CCDC170: variants seen among roughly 807,000 people sequenced by gnomAD.
CCDC170 encodes coiled-coil domain-containing protein 170.
In CCDC170, 69 loss-of-function variants were observed where a neutral mutation model predicts 72.6. That is an observed-to-expected ratio of 0.95 (90% CI 0.78 to 1.16). The LOEUF (loss-of-function observed/expected upper bound fraction) is 1.16. CCDC170 is among the 50% of genes most tolerant of loss of function. The pLI, the probability that CCDC170 is intolerant of heterozygous loss-of-function variation, is 0.00. For missense variants in CCDC170, 852 were observed against 832.5 expected (o/e 1.02, Z -0.29); for synonymous variants, 300 against 303.9 (o/e 0.99, Z 0.13).
At chr6:151,607,630 A>T (rs534132520) in intron 9 of CCDC170, among the ~76,000 whole-genome samples, 40 of 149,618 alleles carry the variant, frequency 2.7e-4, no homozygotes, top group South Asian at 2.1e-4. Flanking sequence ...GTTGATAGGC[A>T]TTTTTTTTTT....
At chr6:151,615,917 T>C (rs1776959642) in intron 10 of CCDC170, 1 of 433,980 alleles carries the variant, frequency 2.3e-6, no homozygotes, top group Admixed American at 3.9e-5. Context: ...TACAAAGCTT[T>C]CTATATCTTT....
chr6:151,527,558 A>T (rs531630037), intron 1 of CCDC170, among the ~76,000 whole-genome samples: 1 of 152,326 alleles, frequency 6.6e-6, no homozygotes, highest in South Asian at 2.1e-4. Flanking sequence ...CTTAATGTAT[A>T]CACTGTAAAT....
At chr6:151,576,606 TC>T (rs1421085413) in intron 6 of CCDC170, among the ~76,000 whole-genome samples, 2 of 152,106 alleles carry the variant, frequency 1.3e-5, no homozygotes, top group Admixed American at 6.5e-5. Context: ...TGATTCAGAG[TC>T]TTTTTAGTGC....
Position 151,615,547 on chromosome 6 carries a change from G to C in CCDC170, c.1815G>C (p.Lys605Asn). The C allele has an allele frequency of 6.2e-7, 1 of 1,614,080 alleles. No individual in the cohort carries two copies. The highest frequency in any genetic ancestry group is 8.5e-7 in the Non-Finnish European group (1 of 1,179,958). The change falls in exon 10 of 11, where the codon AAG (lysine) becomes AAC (asparagine). Residue 605 changes from lysine to asparagine, a missense_variant. Lys to Asn is a moderately conservative substitution (Grantham distance 94). Coordinates refer to ENST00000239374, the MANE Select transcript of CCDC170 (RefSeq NM_025059.4). ...CTGAGAAAAAGCTCATGTCTGTCAA[G>C]TCAGAACTGGATACCACAGAACATG... is the stretch of plus-strand genomic sequence containing the variant. Reference protein sequence around the residue: ...EKAEKKLMSVKSELDTTEHEA... With the variant: ...EKAEKKLMSVNSELDTTEHEA...
chr6:151,572,029 A>G (rs1776225987), intron 5 of CCDC170, among the ~76,000 whole-genome samples: 1 of 151,990 alleles, frequency 6.6e-6, no homozygotes, highest in Non-Finnish European at 1.5e-5. Flanking sequence ...AAATTATTTT[A>G]TTTTATATAA....
chr6:151,551,555 T>G (rs1782878683), intron 5 of CCDC170, among the ~76,000 whole-genome samples: 1 of 152,218 alleles, frequency 6.6e-6, no homozygotes, highest in Non-Finnish European at 1.5e-5. Flanking sequence ...TTGATCTCTC[T>G]GGAGTCACTT....
chr6:151,514,764 A>G (rs1462699359), intron 1 of CCDC170, among the ~76,000 whole-genome samples: 1 of 152,222 alleles, frequency 6.6e-6, no homozygotes, highest in Non-Finnish European at 1.5e-5. Context: ...ACTTTGTGGC[A>G]GCACAAAGGT....
At chr6:151,586,515 A>G (rs1386064114) in intron 7 of CCDC170, among the ~76,000 whole-genome samples, 1 of 152,208 alleles carries the variant, frequency 6.6e-6, no homozygotes, top group South Asian at 2.1e-4. Flanking sequence ...TTTTTGAAAG[A>G]TAAGTCAGAT....
rs138834299 is a variant in CCDC170 at position 151,499,744 on chromosome 6, A to G, written c.57+5559A>G. 4.4e-4 allele frequency among the ~76,000 whole-genome samples: 65 copies of G among 148,758 alleles called. 1 individual carries two copies. In the East Asian group the frequency reaches 0.011, roughly 25 times the overall value. ...TATTTCACTTAGCATAATGTCCTCA[A>G]CGTTTCTTCATGATGTAACATGTAT... On this transcript the variant is annotated intron_variant, in intron 1 of 10. Coordinates refer to ENST00000239374, the MANE Select transcript of CCDC170 (RefSeq NM_025059.4).
intron 2 of CCDC170, 21 bp downstream of exon 2, chr6:151,536,467 C>T: frequency 6.2e-7 from 1 of 1,612,660 alleles, no homozygotes; most frequent in East Asian, 2.2e-5. Context: ...GCATTTCCAG[C>T]ACTCAGAAAT....
At chr6:151,605,545 G>T (rs1406356135) in intron 9 of CCDC170, among the ~76,000 whole-genome samples, 2 of 152,168 alleles carry the variant, frequency 1.3e-5, no homozygotes, top group African/African-American at 2.4e-5. Context: ...CAAAGTAGCT[G>T]CTTTCTGTGG....
intron 3 of CCDC170, among the ~76,000 whole-genome samples, chr6:151,543,139 A>G (rs1782716822): frequency 6.6e-6 from 1 of 152,192 alleles, no homozygotes; most frequent in Non-Finnish European, 1.5e-5. Flanking sequence ...TTGCCTTTAA[A>G]GTATGCCTAT....
intron 1 of CCDC170, among the ~76,000 whole-genome samples, chr6:151,501,643 A>C (rs1257968294): frequency 6.6e-6 from 1 of 152,190 alleles, no homozygotes; most frequent in Non-Finnish European, 1.5e-5. Context: ...TAAAATCTTC[A>C]AAGAAAAGGT....
chr6:151,597,216 C>T (rs1266897802), intron 9 of CCDC170, among the ~76,000 whole-genome samples: 1 of 152,028 alleles, frequency 6.6e-6, no homozygotes, highest in Non-Finnish European at 1.5e-5. Context: ...GCAAACTCTG[C>T]CTGGGTTCAA....
At chr6:151,604,647 C>T (rs79777810) in intron 9 of CCDC170, among the ~76,000 whole-genome samples, 10,200 of 152,148 alleles carry the variant, frequency 0.067, 386 homozygotes, top group South Asian at 0.096. Flanking sequence ...GCCCTGATTT[C>T]GACACGTGCT....
chr6:151,596,605 GC>G, intron 9 of CCDC170, 28 bp downstream of exon 9: 1 of 1,609,828 alleles, frequency 6.2e-7, no homozygotes, highest in Non-Finnish European at 8.5e-7. Context: ...TTTTGTTGTT[GC>G]TTTTTGCTGG....
At chr6:151,530,937 C>G (rs1402739040) in intron 1 of CCDC170, among the ~76,000 whole-genome samples, 4 of 152,020 alleles carry the variant, frequency 2.6e-5, no homozygotes, top group Non-Finnish European at 4.4e-5. Context: ...TGAATAGGCT[C>G]TTTGCATATT....
At chr6:151,600,005 A>T (rs1288640445) in intron 9 of CCDC170, among the ~76,000 whole-genome samples, 1 of 152,204 alleles carries the variant, frequency 6.6e-6, no homozygotes, top group Non-Finnish European at 1.5e-5. Flanking sequence ...TATAGGAGAG[A>T]CTTGGTTTGA....
At chr6:151,507,401 A>G (rs1451559700) in intron 1 of CCDC170, among the ~76,000 whole-genome samples, 1 of 152,174 alleles carries the variant, frequency 6.6e-6, no homozygotes, top group African/African-American at 2.4e-5. Flanking sequence ...CAAATTTACC[A>G]TGGGTTTATG....
Sources: gnomAD v4.1 joint callset for allele counts (sites outside exome capture counted in the v4.1 genomes callset) on GRCh38, gnomAD v4.1.1 for gene constraint, MANE v1.5 for transcripts, NCBI Gene and HGNC (gene_info 2026-07-23, HGNC 2026-07-21) for gene names.